PES1: variants seen among roughly 807,000 people sequenced by gnomAD.
The protein encoded by PES1 is pescadillo ribosomal biogenesis factor 1, also known as pescadillo homolog.
Under a neutral mutation model 77.1 loss-of-function variants are expected in PES1, and 31 were observed. The ratio of observed to expected loss-of-function variants is 0.40; its 90% CI spans 0.30 to 0.54. PES1 has a LOEUF of 0.54. Among genes scored for constraint, PES1 ranks in the 20% least tolerant of loss-of-function variants. PES1 has a pLI of 0.45. For synonymous variants in PES1, 282 were observed against 303.0 expected (o/e 0.93, Z 0.72); for missense variants, 658 against 771.7 (o/e 0.85, Z 1.75).
chr22:30,597,887 T>C (rs561154849), intron 2 of PES1, among the ~76,000 whole-genome samples: 1 of 144,388 alleles, frequency 6.9e-6, no homozygotes, highest in East Asian at 2.0e-4. Flanking sequence ...GTTTTGTTTT[T>C]TTTTTTTTTG....
intron 14 of PES1, among the ~76,000 whole-genome samples, 178 bp downstream of exon 14, chr22:30,578,659 C>T (rs563265428): frequency 3.3e-5 from 5 of 152,284 alleles, no homozygotes; most frequent in South Asian, 2.1e-4. Flanking sequence ...AGTACCAAGA[C>T]GCCTACACTG....
At chr22:30,602,188 G>A (rs2087365881) in intron 2 of PES1, among the ~76,000 whole-genome samples, 1 of 152,114 alleles carries the variant, frequency 6.6e-6, no homozygotes, top group Non-Finnish European at 1.5e-5. Flanking sequence ...ACTGGATCAT[G>A]GAGGTGGTTT....
At chr22:30,585,506 C>T (rs1402837538) in intron 4 of PES1, 5 of 266,542 alleles carry the variant, frequency 1.9e-5, no homozygotes, top group Non-Finnish European at 3.9e-5. Context: ...CTAGAAACAC[C>T]TTGAGCCCAA....
intron 2 of PES1, among the ~76,000 whole-genome samples, chr22:30,601,649 A>G (rs1192427469): frequency 6.6e-6 from 1 of 151,918 alleles, no homozygotes; most frequent in Admixed American, 6.6e-5. Flanking sequence ...TGGCTCACTT[A>G]GTTTTATCAC....
In PES1 at chr22:30,584,726, C is replaced by T. The variant is rs771576165; in HGVS notation, c.369-9G>A. Reference sequence around the variant, plus strand: ...CGATGAACGTGGGATACCTGCATGGCCAGTGAGGCAGCACATGGGGCCTGT... The same window carrying T: ...CGATGAACGTGGGATACCTGCATGGTCAGTGAGGCAGCACATGGGGCCTGT... On this transcript the variant is annotated splice_polypyrimidine_tract_variant and intron_variant, in intron 4 of 14. Coordinates refer to ENST00000354694, the MANE Select transcript of PES1 (RefSeq NM_014303.4). 9 of 1,612,914 alleles carry T rather than the reference C, an allele frequency of 5.6e-6. No homozygotes were observed. The highest frequency in any genetic ancestry group is 1.1e-5 in the South Asian group (1 of 91,004).
chr22:30,591,914 G>A (rs535204924), upstream of PES1: 9 of 1,501,636 alleles, frequency 6.0e-6, 1 homozygote, highest in East Asian at 2.1e-4. Context: ...CAAGGACCCC[G>A]AGGACCCTCC....
chr22:30,580,866 C>A, intron 9 of PES1, 146 bp downstream of exon 9: 1 of 1,182,932 alleles, frequency 8.5e-7, no homozygotes, highest in Non-Finnish European at 1.2e-6. Context: ...CCTATGTAAA[C>A]TCTGATGACA....
rs1409146851 is a variant in PES1 at position 30,579,645 on chromosome 22, T to C, written c.1354+106A>G. 7.2e-6 allele frequency: 8 copies of C among 1,114,894 alleles called. No homozygotes were observed. In the African/African-American group the frequency reaches 1.2e-4, roughly 17 times the overall value. 69.1% of individuals were successfully genotyped at this position (1,114,894 alleles called of 1,614,324 possible). A position where few individuals can be genotyped will look rare whatever the true frequency, so the allele number is the denominator to read the frequency against. On this transcript the variant is annotated intron_variant, in intron 12 of 14. Coordinates refer to ENST00000354694, the MANE Select transcript of PES1 (RefSeq NM_014303.4). The stretch of plus-strand genomic sequence containing the variant: ...TATTCTACAGGTGACTTCAAAGGGC[T>C]TTCTGCTCCTACTGCCTGTTCCCTG...
At chr22:30,601,531 T>C (rs1285167811) in intron 2 of PES1, among the ~76,000 whole-genome samples, 1 of 94,424 alleles carries the variant, frequency 1.1e-5, no homozygotes, top group Non-Finnish European at 2.3e-5. Context: ...CAGGCTAGTC[T>C]CAAACTCTTG....
chr22:30,602,297 G>A (rs2087368061), intron 2 of PES1, among the ~76,000 whole-genome samples: 1 of 152,124 alleles, frequency 6.6e-6, no homozygotes, highest in African/African-American at 2.4e-5. Flanking sequence ...TTGTGAAGAA[G>A]GTGCTTGCTT....
intron 2 of PES1, among the ~76,000 whole-genome samples, chr22:30,602,280 T>G (rs1256155872): frequency 6.6e-6 from 1 of 152,166 alleles, no homozygotes; most frequent in East Asian, 1.9e-4. Flanking sequence ...ATCTCTCTAC[T>G]GCCACCTTGT....
chr22:30,582,251 C>T (rs2087000254), intron 6 of PES1, among the ~76,000 whole-genome samples: 1 of 152,216 alleles, frequency 6.6e-6, no homozygotes, highest in African/African-American at 2.4e-5. Flanking sequence ...CCACTGAGTC[C>T]CACCTCTGAA....
chr22:30,593,557 G>A (rs2087214670), upstream of PES1, among the ~76,000 whole-genome samples: 1 of 152,100 alleles, frequency 6.6e-6, no homozygotes, highest in Non-Finnish European at 1.5e-5. Flanking sequence ...TGGCTCATGA[G>A]GGCAACACAG....
At chr22:30,588,352 C>T (rs1008920013) in intron 2 of PES1, among the ~76,000 whole-genome samples, 178 bp from the exon 3 acceptor site, 2 of 152,058 alleles carry the variant, frequency 1.3e-5, no homozygotes, top group African/African-American at 2.4e-5. Context: ...CGCAGACTTG[C>T]GAGTCTCTAG....
chr22:30,604,854 G>A (rs1451463039), intron 2 of PES1, among the ~76,000 whole-genome samples: 1 of 152,052 alleles, frequency 6.6e-6, no homozygotes, highest in Non-Finnish European at 1.5e-5. Flanking sequence ...GAGACAGGAG[G>A]ATCGCTTGAG....
intron 2 of PES1, among the ~76,000 whole-genome samples, chr22:30,597,877 G>GTTTTTTTTTTTTTTTTTTTTTTTTTTT (rs869064352): frequency 1.1e-5 from 1 of 90,576 alleles, no homozygotes; most frequent in Admixed American, 1.1e-4. Context: ...CGCAGTTGAA[G>GTTTTTTTTTTTTTTTTTTTTTTTTTTT]TTTTGTTTTT....
At chr22:30,579,670 G>A in intron 12 of PES1, 81 bp downstream of exon 12, 1 of 1,384,204 alleles carries the variant, frequency 7.2e-7, no homozygotes. Context: ...CCTGTTCCCT[G>A]GAGCTTTCCA....
intron 2 of PES1, among the ~76,000 whole-genome samples, chr22:30,597,542 A>G (rs2146490600): frequency 1.3e-5 from 2 of 151,046 alleles, no homozygotes; most frequent in Non-Finnish European, 2.9e-5. Context: ...GATAGTGAAT[A>G]CACCAATCGA....
upstream of PES1, among the ~76,000 whole-genome samples, chr22:30,595,003 GAACA>G (rs2087234644): frequency 6.6e-6 from 1 of 151,966 alleles, no homozygotes; most frequent in African/African-American, 2.4e-5. Context: ...ATAAACAAAC[GAACA>G]AACAAATAAA....
Sources: allele counts gnomAD v4.1 joint callset (sites outside exome capture counted in the v4.1 genomes callset), GRCh38; gene constraint gnomAD v4.1.1; transcripts MANE v1.5; gene names NCBI Gene and HGNC (gene_info 2026-07-23, HGNC 2026-07-21).